The following TMEM167A variants were observed in gnomAD, a reference collection of about 807,000 sequenced individuals.
The protein encoded by TMEM167A is protein kish-A.
In TMEM167A, 8 loss-of-function variants were observed where a neutral mutation model predicts 11.6. The observed-to-expected ratio is 0.69, with a 90% CI of 0.40 to 1.24. The LOEUF is 1.24. Ranked by LOEUF, TMEM167A falls within the 50% of genes most tolerant of loss-of-function variation. The pLI is 0.01. For missense variants in TMEM167A, 62 were observed against 87.0 expected (o/e 0.71, Z 1.14); for synonymous variants, 22 against 28.0 (o/e 0.79, Z 0.67).
chr5:83,075,542 C>G lies in TMEM167A; in HGVS notation c.3+1779G>C, dbSNP rs768805325. ...TGGGAGGATCACGAGGTCAAGAGATCGAGACCATCTTGGCCAACATGGTGA... is the reference window on the plus strand; with the variant it reads ...TGGGAGGATCACGAGGTCAAGAGATGGAGACCATCTTGGCCAACATGGTGA... On this transcript the variant is annotated intron_variant, in intron 1 of 3. Coordinates refer to ENST00000502346, the MANE Select transcript of TMEM167A (RefSeq NM_174909.5). Among the ~76,000 whole-genome samples the G allele has an allele frequency of 2.6e-5, 4 of 152,048 alleles. No homozygotes were observed. The South Asian group carries it at 8.3e-4, about 32-fold the overall frequency.
At chr5:83,059,169 A>G (rs545109885) in intron 3 of TMEM167A, among the ~76,000 whole-genome samples, 2 of 151,266 alleles carry the variant, frequency 1.3e-5, no homozygotes, top group East Asian at 3.9e-4. Flanking sequence ...TAACAAGCAA[A>G]AAAAAAAAAA....
chr5:83,070,558 A>G (rs1744545056), intron 1 of TMEM167A, among the ~76,000 whole-genome samples: 1 of 152,072 alleles, frequency 6.6e-6, no homozygotes, highest in South Asian at 2.1e-4. Context: ...AATAAAAATA[A>G]TTCACAGACT....
At chr5:83,075,929 T>C (rs965249042) in intron 1 of TMEM167A, among the ~76,000 whole-genome samples, 3 of 152,212 alleles carry the variant, frequency 2.0e-5, no homozygotes, top group Non-Finnish European at 4.4e-5. Flanking sequence ...AATGTACTTT[T>C]GACATCCCAA....
intron 1 of TMEM167A, chr5:83,071,466 T>C (rs1049070640): frequency 6.6e-6 from 1 of 152,126 alleles, no homozygotes; most frequent in African/African-American, 2.4e-5. Flanking sequence ...ATTAGAAAAG[T>C]GGGTCAGCAT....
rs1228235828 is a variant in TMEM167A, at chr5:83,054,114, C to T, written c.*2970G>A. 6.6e-6 allele frequency: 1 copy of T among 151,992 alleles called. No homozygotes were observed. Among genetic ancestry groups the T allele is most frequent in the Non-Finnish European group, 1.5e-5 (1 of 67,932 alleles). 9.4% of individuals were successfully genotyped at this position (151,992 alleles called of 1,614,324 possible). A position where few individuals can be genotyped will look rare whatever the true frequency, so the allele number is the denominator to read the frequency against. On this transcript the variant is annotated 3_prime_UTR_variant, in exon 4 of 4. Coordinates refer to ENST00000502346, the MANE Select transcript of TMEM167A (RefSeq NM_174909.5). Reference sequence around the variant, plus strand: ...TCTATTTTGTCCTAACTAGACTGATCATCTTATTACTAAGATGAAGGAATC... The same window carrying T: ...TCTATTTTGTCCTAACTAGACTGATTATCTTATTACTAAGATGAAGGAATC...
At position 83,067,890 on chromosome 5, in the gene TMEM167A, T is replaced by C. The variant is rs536113341; in HGVS notation, c.4-2773A>G. Among the ~76,000 whole-genome samples, 41 of 152,310 alleles carry C rather than the reference T, an allele frequency of 2.7e-4. 1 individual carries two copies. Among genetic ancestry groups the C allele is most frequent in the Middle Eastern group, 3.4e-3 (1 of 294 alleles). ...TTTTATGGTCTGAAAAAGACAAAAA[T>C]GATTTGTAATTACCAGTTTAATACT... On this transcript the variant is annotated intron_variant, in intron 1 of 3. Coordinates refer to ENST00000502346, the MANE Select transcript of TMEM167A (RefSeq NM_174909.5).
Position 83,057,136 on chromosome 5 carries a change from T to C in TMEM167A, c.167A>G (p.Tyr56Cys), listed in dbSNP as rs771209763. ...CATTACTATACAGCATACTGCAACATAAGGACTCTTCCGTTCACCTGTTGA... is the reference window on the plus strand; with the variant it reads ...CATTACTATACAGCATACTGCAACACAAGGACTCTTCCGTTCACCTGTTGA... Reference protein sequence around the residue: ...CARIGERKSPYVAVCCIVMAF... With the variant: ...CARIGERKSPCVAVCCIVMAF... The change falls in exon 4 of 4, where the codon TAT becomes TGT. Residue 56 changes from tyrosine (Y) to cysteine (C), a missense_variant. Tyr to Cys is a radical substitution (Grantham distance 194). Transcript: ENST00000502346. 13 of 1,612,166 alleles carry C rather than the reference T, an allele frequency of 8.1e-6. No individual in the cohort carries two copies. Among genetic ancestry groups the C allele is most frequent in the Admixed American group, 1.7e-5 (1 of 59,928 alleles).
At chr5:83,071,846 T>G (rs908268342) in intron 1 of TMEM167A, among the ~76,000 whole-genome samples, 1 of 152,172 alleles carries the variant, frequency 6.6e-6, no homozygotes, top group Admixed American at 6.5e-5. Context: ...ACAAAATATT[T>G]GGGTTAATGA....
intron 3 of TMEM167A, among the ~76,000 whole-genome samples, chr5:83,057,454 G>A (rs1254648631): frequency 1.3e-5 from 2 of 152,034 alleles, no homozygotes; most frequent in East Asian, 3.9e-4. Context: ...AATGCAGAAT[G>A]TAGGACAGAG....
intron 1 of TMEM167A, among the ~76,000 whole-genome samples, chr5:83,075,562 T>C (rs1744630151): frequency 6.6e-6 from 1 of 152,030 alleles, no homozygotes; most frequent in Non-Finnish European, 1.5e-5. Context: ...TTGGCCAACA[T>C]GGTGAAACCT....
chr5:83,068,495 T>C (rs959264395), intron 1 of TMEM167A, among the ~76,000 whole-genome samples: 3 of 152,192 alleles, frequency 2.0e-5, no homozygotes, highest in East Asian at 3.9e-4. Context: ...TAGTAACTCA[T>C]TGTTGAATGT....
chr5:83,069,527 T>TAA (rs1744531495), intron 1 of TMEM167A, among the ~76,000 whole-genome samples: 1 of 152,112 alleles, frequency 6.6e-6, no homozygotes, highest in South Asian at 2.1e-4. Context: ...AGGTACTCTA[T>TAA]TGAGTTTTGC....
chr5:83,072,796 A>T (rs1744582586), intron 1 of TMEM167A, among the ~76,000 whole-genome samples: 1 of 152,126 alleles, frequency 6.6e-6, no homozygotes, highest in Non-Finnish European at 1.5e-5. Flanking sequence ...TGCAATCAGT[A>T]TTCAAAAGCT....
chr5:83,057,026 A>G lies in TMEM167A; in HGVS notation c.*58T>C. On this transcript the variant is annotated 3_prime_UTR_variant, in exon 4 of 4. Coordinates refer to ENST00000502346, the MANE Select transcript of TMEM167A (RefSeq NM_174909.5). The stretch of plus-strand genomic sequence containing the variant: ...AAACATCCTTTCCATTATTTTCTGC[A>G]GTCAGTCCTTGTTCACAATCAAATC... The G allele has an allele frequency of 7.0e-7, 1 of 1,437,760 alleles. No homozygotes were observed. Among genetic ancestry groups the G allele is most frequent in the Non-Finnish European group, 9.8e-7 (1 of 1,022,918 alleles). The allele number at this position is 1,437,760 out of a possible 1,614,324, so 89.1% of individuals were successfully genotyped here.
chr5:83,076,497 G>T (rs961001586), intron 1 of TMEM167A, among the ~76,000 whole-genome samples: 1 of 152,208 alleles, frequency 6.6e-6, no homozygotes, highest in Admixed American at 6.5e-5. Flanking sequence ...AGTCTCAACT[G>T]CCATCTTCCC....
At position 83,056,941 on chromosome 5, in the gene TMEM167A, T is replaced by G. The variant is rs1744340735; in HGVS notation, c.*143A>C. ...TATACAGAACATTGGTCCAATAACA[T>G]TAAAATAGAGAACAGCATCTGGAAA... On this transcript the variant is annotated 3_prime_UTR_variant, in exon 4 of 4. Coordinates refer to ENST00000502346, the MANE Select transcript of TMEM167A (RefSeq NM_174909.5). 1.2e-5 allele frequency: 9 copies of G among 755,334 alleles called. No individual in the cohort carries two copies. Among genetic ancestry groups the G allele is most frequent in the Non-Finnish European group, 2.0e-5 (9 of 441,942 alleles). The allele number at this position is 755,334 out of a possible 1,614,324, so 46.8% of individuals were successfully genotyped here. A position where few individuals can be genotyped will look rare whatever the true frequency, so the allele number is the denominator to read the frequency against.
chr5:83,060,275 T>C (rs1171279906), intron 3 of TMEM167A, among the ~76,000 whole-genome samples: 1 of 151,872 alleles, frequency 6.6e-6, no homozygotes, highest in Admixed American at 6.6e-5. Flanking sequence ...TCAGACTGGC[T>C]AACAATAAAT....
intron 3 of TMEM167A, among the ~76,000 whole-genome samples, chr5:83,058,827 T>C (rs1744368518): frequency 6.6e-6 from 1 of 152,130 alleles, no homozygotes; most frequent in South Asian, 2.1e-4. Context: ...ACATCTTTAG[T>C]TGAACTTGGG....
At chr5:83,069,926 G>A (rs978766628) in intron 1 of TMEM167A, among the ~76,000 whole-genome samples, 2 of 130,690 alleles carry the variant, frequency 1.5e-5, no homozygotes, top group Non-Finnish European at 3.4e-5. Flanking sequence ...GCTGAATACA[G>A]TATTTTGTTA....
Sources: gnomAD v4.1 joint callset for allele counts (sites outside exome capture counted in the v4.1 genomes callset) on GRCh38, gnomAD v4.1.1 for gene constraint, MANE v1.5 for transcripts, NCBI Gene and HGNC (gene_info 2026-07-23, HGNC 2026-07-21) for gene names.